The following KANK4 variants were observed in gnomAD, a reference collection of about 807,000 sequenced individuals.
KANK4 encodes KN motif and ankyrin repeat domains 4.
In KANK4, 50 loss-of-function variants were observed where a neutral mutation model predicts 80.8. The observed-to-expected ratio is 0.62, with a 90% CI of 0.49 to 0.78. The LOEUF (loss-of-function observed/expected upper bound fraction) is 0.78. KANK4 is among the 30% of genes least tolerant of loss of function. The pLI, the probability that KANK4 is intolerant of heterozygous loss-of-function variation, is 0.00. For missense variants in KANK4, 1,196 were observed against 1,240.1 expected (o/e 0.96, Z 0.53); for synonymous variants, 465 against 506.9 (o/e 0.92, Z 1.11).
Position 62,301,717 on chromosome 1 carries a change from T to C in KANK4, c.-71+17389A>G, listed in dbSNP as rs549395624. 2.6e-5 allele frequency among the ~76,000 whole-genome samples: 4 copies of C among 152,114 alleles called. 1 individual carries two copies. The highest frequency in any genetic ancestry group is 9.6e-5 in the African/African-American group (4 of 41,518). The stretch of plus-strand genomic sequence containing the variant: ...CGAGAAAAAAACAATTTCCTCCTTA[T>C]AGGATTACACAGATGAATTGGGATG... On this transcript the variant is annotated intron_variant, in intron 1 of 9. Transcript: ENST00000371153.
In KANK4 at chr1:62,238,338, T is replaced by C. The variant is rs773897694; in HGVS notation, c.2927A>G (p.His976Arg). The change falls in exon 10 of 10, where the codon CAT (histidine) becomes CGT (arginine). Residue 976 changes from histidine (H) to arginine (R), a missense_variant. His to Arg is a conservative substitution (Grantham distance 29). Transcript: ENST00000371153. ...ALSIALKSPT[H>R]MEIAGLLRAH... ...TCTCAGAAGCCCAGCAATTTCCATATGGGTGGGTGACTTCAGAGCGATGGA... is the reference window on the plus strand; with the variant it reads ...TCTCAGAAGCCCAGCAATTTCCATACGGGTGGGTGACTTCAGAGCGATGGA... The C allele has an allele frequency of 4.3e-6, 7 of 1,613,838 alleles. No individual in the cohort carries two copies. The highest frequency in any genetic ancestry group is 1.1e-5 in the South Asian group (1 of 91,072).
At chr1:62,267,026 C>T (rs757019023) in intron 5 of KANK4, among the ~76,000 whole-genome samples, 2 of 151,640 alleles carry the variant, frequency 1.3e-5, no homozygotes, top group Admixed American at 6.6e-5. Flanking sequence ...GAAGATGAGC[C>T]GAGTGTGTTG....
At chr1:62,311,514 T>C (rs1644498411) in intron 1 of KANK4, among the ~76,000 whole-genome samples, 1 of 152,076 alleles carries the variant, frequency 6.6e-6, no homozygotes, top group Non-Finnish European at 1.5e-5. Flanking sequence ...ACATCCTCCC[T>C]CCTCCTCCTT....
chr1:62,294,556 G>A (rs1371239987), intron 1 of KANK4, among the ~76,000 whole-genome samples: 3 of 152,242 alleles, frequency 2.0e-5, no homozygotes, highest in Non-Finnish European at 4.4e-5. Context: ...TGGGTTGGGA[G>A]GAAGGTTTTT....
rs535898688 is a variant in KANK4, at chr1:62,258,738, T to C, written c.2539+4354A>G. On this transcript the variant is annotated intron_variant, in intron 7 of 9. Coordinates refer to ENST00000371153, the MANE Select transcript of KANK4 (RefSeq NM_181712.5). ...CCTTTTGAGTGAATTAACATTCTGTTGGGTAGAAATGAAAAGCAAAGAGTG... is the reference window on the plus strand; with the variant it reads ...CCTTTTGAGTGAATTAACATTCTGTCGGGTAGAAATGAAAAGCAAAGAGTG... Among the ~76,000 whole-genome samples the C allele has an allele frequency of 1.4e-4, 21 of 152,148 alleles. No homozygotes were observed. The East Asian group carries it at 3.7e-3, about 27-fold the overall frequency.
At chr1:62,302,082 G>A (rs17123400) in intron 1 of KANK4, among the ~76,000 whole-genome samples, 9,439 of 152,122 alleles carry the variant, frequency 0.062, 963 homozygotes, top group African/African-American at 0.21. Context: ...GTCAGATGCT[G>A]TGGAACTTGA....
intron 7 of KANK4, among the ~76,000 whole-genome samples, chr1:62,256,504 G>C (rs12401787): frequency 6.6e-6 from 1 of 151,806 alleles, no homozygotes; most frequent in Admixed American, 6.6e-5. Context: ...TCCTGCCTCA[G>C]CCTGAATAGC....
At position 62,309,579 on chromosome 1, in the gene KANK4, T is replaced by A. The variant is rs938743901; in HGVS notation, c.-71+9527A>T. Among the ~76,000 whole-genome samples, 16 of 152,230 alleles carry A rather than the reference T, an allele frequency of 1.1e-4. No individual in the cohort carries two copies. The East Asian group carries it at 1.3e-3, about 13-fold the overall frequency. On this transcript the variant is annotated intron_variant, in intron 1 of 9. Coordinates refer to ENST00000371153, the MANE Select transcript of KANK4 (RefSeq NM_181712.5). ...GAAGACTACATTACTTAAATTTTTT[T>A]AAAAAAGCTAATTTTATTAACTAGT...
At chr1:62,284,874 C>A (rs1170602676) in intron 1 of KANK4, among the ~76,000 whole-genome samples, 1 of 152,120 alleles carries the variant, frequency 6.6e-6, no homozygotes, top group African/African-American at 2.4e-5. Context: ...AAGTCTTATT[C>A]CCATGTCACC....
At position 62,283,087 on chromosome 1, in the gene KANK4, C is replaced by T. The variant is rs3861937; in HGVS notation, c.-70-1453G>A. On this transcript the variant is annotated intron_variant, in intron 1 of 9. Transcript: ENST00000371153. The stretch of plus-strand genomic sequence containing the variant: ...GGCTCCCAGGCAGAGAACACCGCTG[C>T]CTCTCTCACCACCCCAGCTCTGCAG... Among the ~76,000 whole-genome samples the T allele has an allele frequency of 2.2e-4, 34 of 152,304 alleles. No homozygotes were observed. In the South Asian group the frequency reaches 6.8e-3, roughly 31 times the overall value.
At chr1:62,305,259 G>A (rs561823333) in intron 1 of KANK4, among the ~76,000 whole-genome samples, 86 of 152,244 alleles carry the variant, frequency 5.6e-4, no homozygotes, top group Middle Eastern at 6.8e-3. Context: ...TGATTCCAGG[G>A]AAAATGTCCT....
chr1:62,238,029 A>G lies in KANK4; in HGVS notation c.*248T>C, dbSNP rs2149110056. 1 of 422,642 alleles carries G rather than the reference A, an allele frequency of 2.4e-6. No homozygotes were observed. The highest frequency in any genetic ancestry group is 6.4e-5 in the South Asian group (1 of 15,514). The allele number at this position is 422,642 out of a possible 1,614,324, so 26.2% of individuals were successfully genotyped here. On this transcript the variant is annotated 3_prime_UTR_variant, in exon 10 of 10. Coordinates refer to ENST00000371153, the MANE Select transcript of KANK4 (RefSeq NM_181712.5). ...TGTTTTGGATGTTTGGATGACACCGACGTACCCCTCACCTTGCACCTTGAA... is the reference window on the plus strand; with the variant it reads ...TGTTTTGGATGTTTGGATGACACCGGCGTACCCCTCACCTTGCACCTTGAA...
intron 6 of KANK4, among the ~76,000 whole-genome samples, chr1:62,263,720 T>C (rs1312116735): frequency 6.6e-6 from 1 of 152,218 alleles, no homozygotes; most frequent in East Asian, 1.9e-4. Context: ...TCAGGACACC[T>C]GCGTGTGTTT....
intron 6 of KANK4, among the ~76,000 whole-genome samples, chr1:62,264,373 T>G (rs1570987459): frequency 1.3e-5 from 2 of 152,258 alleles, no homozygotes; most frequent in East Asian, 3.9e-4. Flanking sequence ...AGTGCACCAT[T>G]GCACTCCAGC....
intron 8 of KANK4, among the ~76,000 whole-genome samples, chr1:62,249,204 C>G (rs1671548608): frequency 6.6e-6 from 1 of 150,922 alleles, no homozygotes; most frequent in South Asian, 2.1e-4. Context: ...GTCCTGTGTA[C>G]CTCGCAGGGC....
intron 1 of KANK4, among the ~76,000 whole-genome samples, chr1:62,284,950 A>G (rs1356610634): frequency 6.6e-6 from 1 of 152,220 alleles, no homozygotes; most frequent in Non-Finnish European, 1.5e-5. Flanking sequence ...ACAAAATAAA[A>G]GGAACAAAAT....
chr1:62,300,574 A>G (rs1046715779), intron 1 of KANK4, among the ~76,000 whole-genome samples: 22 of 152,274 alleles, frequency 1.4e-4, no homozygotes, highest in African/African-American at 5.3e-4. Context: ...CTCTAGCTAG[A>G]GATGAAAACA....
chr1:62,262,922 A>C (rs1214856492), intron 7 of KANK4, among the ~76,000 whole-genome samples, 170 bp downstream of exon 7: 1 of 152,184 alleles, frequency 6.6e-6, no homozygotes, highest in African/African-American at 2.4e-5. Context: ...CATGTATGCT[A>C]TTTGGGTGAT....
intron 1 of KANK4, 28 bp from the exon 2 acceptor site, chr1:62,281,662 T>C (rs1183869313): frequency 3.0e-6 from 4 of 1,347,908 alleles, no homozygotes; most frequent in Non-Finnish European, 3.2e-6. Flanking sequence ...ACAGAAGTGG[T>C]GAGTCTCATT....
Sources: allele counts gnomAD v4.1 joint callset (sites outside exome capture counted in the v4.1 genomes callset), GRCh38; gene constraint gnomAD v4.1.1; transcripts MANE v1.5; gene names NCBI Gene and HGNC (gene_info 2026-07-23, HGNC 2026-07-21).